Variants in DAB1 observed in about 807,000 individuals in gnomAD.
The protein encoded by DAB1 is disabled homolog 1.
In DAB1, 15 loss-of-function variants were observed where a neutral mutation model predicts 64.6. The observed-to-expected ratio is 0.23, with a 90% CI of 0.16 to 0.36. DAB1 has a LOEUF of 0.36. DAB1 is among the 10% of genes least tolerant of loss of function. DAB1 has a pLI of 1.00. For missense variants in DAB1, 596 were observed against 706.7 expected (o/e 0.84, Z 1.78); for synonymous variants, 235 against 251.9 (o/e 0.93, Z 0.64).
chr1:57,582,314 A>T (rs902851457), intron 7 of DAB1, among the ~76,000 whole-genome samples: 1 of 152,198 alleles, frequency 6.6e-6, no homozygotes, highest in African/African-American at 2.4e-5. Flanking sequence ...AGAGAGAAAA[A>T]TCAGAAGGAA....
At chr1:58,039,267 C>T (rs1647096402) in intron 5 of DAB1, among the ~76,000 whole-genome samples, 1 of 152,172 alleles carries the variant, frequency 6.6e-6, no homozygotes, top group South Asian at 2.1e-4. Flanking sequence ...TGCCCCTATA[C>T]CTGAGCCAGG....
chr1:57,030,301 T>C (rs987542205), intron 9 of DAB1, among the ~76,000 whole-genome samples: 1 of 152,234 alleles, frequency 6.6e-6, no homozygotes, highest in African/African-American at 2.4e-5. Flanking sequence ...CCTCTTTTTC[T>C]GTCCAGTCTT....
At chr1:57,077,634 C>T (rs1436792209) in intron 4 of DAB1, among the ~76,000 whole-genome samples, 3 of 151,980 alleles carry the variant, frequency 2.0e-5, no homozygotes, top group Admixed American at 6.6e-5. Context: ...AGCCATTTAC[C>T]AGTGTTTAAA....
intron 1 of DAB1, among the ~76,000 whole-genome samples, chr1:57,376,130 A>G (rs1680879092): frequency 6.6e-6 from 1 of 152,154 alleles, no homozygotes; most frequent in South Asian, 2.1e-4. Flanking sequence ...CCACACACCC[A>G]AGCAATCTGG....
chr1:57,812,160 G>C (rs1026381499), intron 6 of DAB1, among the ~76,000 whole-genome samples: 1 of 151,930 alleles, frequency 6.6e-6, no homozygotes, highest in Non-Finnish European at 1.5e-5. Flanking sequence ...GCCTCATGGA[G>C]AAGGTGCCAG....
At chr1:57,244,869 A>G (rs1668746812) in intron 2 of DAB1, among the ~76,000 whole-genome samples, 1 of 152,256 alleles carries the variant, frequency 6.6e-6, no homozygotes, top group South Asian at 2.1e-4. Flanking sequence ...GCGTTCTGAT[A>G]TGGTTTAACT....
At chr1:57,437,114 T>C (rs940834760) in intron 7 of DAB1, among the ~76,000 whole-genome samples, 31 of 151,780 alleles carry the variant, frequency 2.0e-4, no homozygotes, top group African/African-American at 6.8e-4. Context: ...AGGAATTTGA[T>C]AGAGAAATGC....
intron 7 of DAB1, among the ~76,000 whole-genome samples, chr1:57,520,736 CAA>C (rs1387343283): frequency 1.3e-5 from 2 of 151,738 alleles, no homozygotes; most frequent in Non-Finnish European, 2.9e-5. Context: ...AGCTCACAAT[CAA>C]AAGAGTAAAT....
rs193282968 is a variant in DAB1, at chr1:58,055,564, C to T, written n.387+94947G>A. 3.4e-3 allele frequency among the ~76,000 whole-genome samples: 520 copies of T among 152,242 alleles called. 5 individuals carry two copies. The highest frequency in any genetic ancestry group is 0.012 in the African/African-American group (498 of 41,542). ...ACTTTTCCTATCAGAATGTAAGCTC[C>T]TTGAAGGCAGAGAATTTTGTTTGCT... On this transcript the variant is annotated intron_variant and non_coding_transcript_variant, in intron 5 of 20. Coordinates refer to the DAB1 transcript ENST00000485760.
At chr1:58,370,121 T>C (rs768515479) in intron 3 of DAB1, among the ~76,000 whole-genome samples, 2 of 152,186 alleles carry the variant, frequency 1.3e-5, no homozygotes, top group Non-Finnish European at 2.9e-5. Context: ...TGTGGCATTG[T>C]CTATAAAAGC....
Position 57,290,850 on chromosome 1 carries a change from C to A in DAB1, c.67+114G>T, listed in dbSNP as rs908651271. 6 of 578,852 alleles carry A rather than the reference C, an allele frequency of 1.0e-5. No individual in the cohort carries two copies. The African/African-American group carries it at 1.2e-4, about 11-fold the overall frequency. The allele number at this position is 578,852 out of a possible 1,614,324, so 35.9% of individuals were successfully genotyped here. A position where few individuals can be genotyped will look rare whatever the true frequency, so the allele number is the denominator to read the frequency against. Reference sequence around the variant, plus strand: ...TATTAACACAAAACACACAAAATAACTATTTAAAAATATATGCAATCATAA... The same window carrying A: ...TATTAACACAAAACACACAAAATAAATATTTAAAAATATATGCAATCATAA... On this transcript the variant is annotated intron_variant, in intron 2 of 14. Transcript: ENST00000371236.
intron 5 of DAB1, among the ~76,000 whole-genome samples, chr1:58,002,713 A>G (rs1307872796): frequency 6.6e-6 from 1 of 152,220 alleles, no homozygotes; most frequent in Non-Finnish European, 1.5e-5. Context: ...AGAAGAATCC[A>G]CAACATTCTA....
intron 4 of DAB1, among the ~76,000 whole-genome samples, chr1:58,152,844 C>T (rs764452947): frequency 2.0e-5 from 3 of 152,168 alleles, no homozygotes; most frequent in Non-Finnish European, 4.4e-5. Context: ...ATCTCAGTAA[C>T]CTTCTGAGTT....
intron 4 of DAB1, among the ~76,000 whole-genome samples, chr1:58,241,302 A>G (rs1268897414): frequency 7.4e-6 from 1 of 135,998 alleles, no homozygotes; most frequent in Non-Finnish European, 1.5e-5. Flanking sequence ...CTTACAATCC[A>G]TTGTTAAATG....
intron 7 of DAB1, among the ~76,000 whole-genome samples, chr1:57,551,094 T>C (rs1320164437): frequency 1.3e-5 from 2 of 151,994 alleles, no homozygotes; most frequent in African/African-American, 4.8e-5. Flanking sequence ...ATTTCCACCA[T>C]ATCACACTCT....
intron 7 of DAB1, among the ~76,000 whole-genome samples, chr1:57,636,096 C>CAAA (rs61007751): frequency 0.32 from 19,720 of 62,432 alleles, 3,531 homozygotes; most frequent in East Asian, 0.47. Flanking sequence ...GACACGGTCT[C>CAAA]AAAAAAAAAA....
chr1:57,036,326 T>A, intron 9 of DAB1, among the ~76,000 whole-genome samples: 1 of 152,118 alleles, frequency 6.6e-6, no homozygotes, highest in Non-Finnish European at 1.5e-5. Context: ...TCTTGCCTGA[T>A]CATCTTCATC....
intron 11 of DAB1, among the ~76,000 whole-genome samples, chr1:57,018,109 G>A (rs1350456333): frequency 6.6e-6 from 1 of 152,132 alleles, no homozygotes; most frequent in Non-Finnish European, 1.5e-5. Flanking sequence ...TGAATTACAT[G>A]GAAATTCAGT....
At chr1:57,205,223 C>T (rs2100295838) in intron 2 of DAB1, among the ~76,000 whole-genome samples, 1 of 152,328 alleles carries the variant, frequency 6.6e-6, no homozygotes, top group Middle Eastern at 3.4e-3. Flanking sequence ...CCCTATGAGC[C>T]TTGGAAGCCA....
Sources: gnomAD v4.1 joint callset for allele counts (sites outside exome capture counted in the v4.1 genomes callset) on GRCh38, gnomAD v4.1.1 for gene constraint, MANE v1.5 for transcripts, NCBI Gene and HGNC (gene_info 2026-07-23, HGNC 2026-07-21) for gene names.